The following GRAMD1B variants were observed in gnomAD, a reference collection of about 807,000 sequenced individuals.
GRAMD1B encodes GRAM domain containing 1B, also known as protein Aster-B.
In GRAMD1B, 37 loss-of-function variants were observed where a neutral mutation model predicts 99.7. The ratio of observed to expected loss-of-function variants is 0.37; its 90% CI spans 0.29 to 0.49. The LOEUF is 0.49. Among genes scored for constraint, GRAMD1B ranks in the 20% least tolerant of loss-of-function variants. GRAMD1B has a pLI of 0.98. For missense variants in GRAMD1B, 888 were observed against 1,009.2 expected, an observed-to-expected ratio of 0.88 and a Z score of 1.63; for synonymous variants, 427 against 387.6, an observed-to-expected ratio of 1.10 and a Z score of -1.19.
intron 1 of GRAMD1B, chr11:123,435,503 C>T (rs1230419455): frequency 1.4e-6 from 1 of 696,806 alleles, no homozygotes; most frequent in South Asian, 1.5e-5. Flanking sequence ...TTTTCTTCTC[C>T]TTAAACCCTA....
chr11:123,444,911 C>G (rs1400375203), intron 1 of GRAMD1B, among the ~76,000 whole-genome samples: 1 of 152,152 alleles, frequency 6.6e-6, no homozygotes, highest in Non-Finnish European at 1.5e-5. Flanking sequence ...CTTGGTCTTT[C>G]TTGGTCCTTC....
Position 123,624,350 on chromosome 11 carries a change from T to C in GRAMD1B, c.*1755T>C, listed in dbSNP as rs1955378386. On this transcript the variant is annotated 3_prime_UTR_variant, in exon 20 of 20. Coordinates refer to ENST00000635736, the MANE Select transcript of GRAMD1B (RefSeq NM_001387025.1). ...GCAATTACAGTTTTTGACTTTTCCA[T>C]GTGAGAATAAGGCCTTGGTATTTCC... is the stretch of plus-strand genomic sequence containing the variant. The C allele has an allele frequency of 6.6e-6, 1 of 152,224 alleles. No individual in the cohort carries two copies. The allele number at this position is 152,224 out of a possible 1,614,324, so 9.4% of individuals were successfully genotyped here.
At chr11:123,458,962 A>T (rs1013382824) in intron 1 of GRAMD1B, 1 of 152,212 alleles carries the variant, frequency 6.6e-6, no homozygotes, top group African/African-American at 2.4e-5. Flanking sequence ...GAGAACAATC[A>T]CTTTAATGCT....
intron 17 of GRAMD1B, among the ~76,000 whole-genome samples, chr11:123,615,758 C>G (rs758714040): frequency 6.6e-6 from 1 of 152,200 alleles, no homozygotes; most frequent in South Asian, 2.1e-4. Flanking sequence ...TGATGTGGTC[C>G]TGGAGCTCAG....
intron 1 of GRAMD1B, among the ~76,000 whole-genome samples, chr11:123,455,899 G>A (rs1950094406): frequency 6.6e-6 from 1 of 152,154 alleles, no homozygotes; most frequent in Non-Finnish European, 1.5e-5. Flanking sequence ...GCCGGGTGGG[G>A]TGGCTCGCTC....
At chr11:123,570,703 T>A (rs1947981980) in intron 2 of GRAMD1B, among the ~76,000 whole-genome samples, 2 of 152,154 alleles carry the variant, frequency 1.3e-5, no homozygotes, top group South Asian at 4.1e-4. Context: ...GGATTACAGG[T>A]GTGAGCCACG....
intron 1 of GRAMD1B, among the ~76,000 whole-genome samples, chr11:123,454,231 C>T (rs1483984530): frequency 6.6e-6 from 1 of 152,206 alleles, no homozygotes; most frequent in Non-Finnish European, 1.5e-5. Context: ...GGCATCTCTC[C>T]AATTTCCTGA....
chr11:123,537,752 A>C (rs1944113045), intron 2 of GRAMD1B, among the ~76,000 whole-genome samples: 1 of 152,168 alleles, frequency 6.6e-6, no homozygotes. Flanking sequence ...TTAGCGATTG[A>C]GCTTTCCTTG....
In GRAMD1B at chr11:123,421,259, A is replaced by G. The variant is rs150080311; in HGVS notation, c.-175-59557A>G. ...ATGTTGGGATTAGTTCTAGTGAGGT[A>G]TTTGTGTTTGATTAACTTCTTGCTC... On this transcript the variant is annotated intron_variant, in intron 1 of 20. Transcript: ENST00000638157. Among the ~76,000 whole-genome samples the G allele has an allele frequency of 8.5e-5, 13 of 152,304 alleles. No homozygotes were observed. In the East Asian group the frequency reaches 2.5e-3, roughly 29 times the overall value.
At chr11:123,504,881 C>G (rs1475613255) in intron 2 of GRAMD1B, among the ~76,000 whole-genome samples, 2 of 152,096 alleles carry the variant, frequency 1.3e-5, no homozygotes, top group African/African-American at 4.8e-5. Context: ...GGGGTTTCAC[C>G]ATGTTGGCCA....
At chr11:123,445,231 C>T (rs955493671) in intron 1 of GRAMD1B, among the ~76,000 whole-genome samples, 42 of 152,172 alleles carry the variant, frequency 2.8e-4, no homozygotes, top group Non-Finnish European at 8.8e-5. Context: ...TTAACCTTGT[C>T]GTGTTCTTTT....
intron 1 of GRAMD1B, among the ~76,000 whole-genome samples, chr11:123,445,818 C>CAAAAAA (rs36123733): frequency 1.8e-4 from 17 of 94,004 alleles, no homozygotes; most frequent in African/African-American, 4.9e-4. Context: ...CACTTGTCTC[C>CAAAAAA]AAAAAAAAAA....
chr11:123,604,808 G>T (rs1952478891), intron 9 of GRAMD1B, among the ~76,000 whole-genome samples: 1 of 152,164 alleles, frequency 6.6e-6, no homozygotes, highest in Non-Finnish European at 1.5e-5. Flanking sequence ...TCCTCGACGA[G>T]CACCCACCTT....
At chr11:123,619,345 C>G in intron 19 of GRAMD1B, 121 bp downstream of exon 19, 1 of 1,525,984 alleles carries the variant, frequency 6.6e-7, no homozygotes, top group Non-Finnish European at 8.8e-7. Flanking sequence ...CCAATTCATT[C>G]TTCCTCCAGG....
At chr11:123,442,150 C>T (rs950010237) in intron 1 of GRAMD1B, among the ~76,000 whole-genome samples, 1 of 152,208 alleles carries the variant, frequency 6.6e-6, no homozygotes, top group Non-Finnish European at 1.5e-5. Context: ...CTGGCACCTT[C>T]TGCCTGGAGA....
At chr11:123,417,304 C>T (rs1948264579) in intron 1 of GRAMD1B, among the ~76,000 whole-genome samples, 2 of 152,116 alleles carry the variant, frequency 1.3e-5, no homozygotes, top group South Asian at 4.1e-4. Flanking sequence ...ACCTGGGAGG[C>T]AGAGGTTGCG....
At chr11:123,594,601 TG>T (rs1407069760) in intron 5 of GRAMD1B, 133 bp from the exon 6 acceptor site, 1 of 630,584 alleles carries the variant, frequency 1.6e-6, no homozygotes, top group Non-Finnish European at 2.9e-6. Flanking sequence ...CTAGTTCAAG[TG>T]TCTGGCACCC....
At chr11:123,359,137 A>G (rs1370739343) in intron 1 of GRAMD1B, among the ~76,000 whole-genome samples, 2 of 152,062 alleles carry the variant, frequency 1.3e-5, no homozygotes, top group African/African-American at 4.8e-5. Context: ...GAACAGGTAG[A>G]GAGGACAGGG....
chr11:123,398,705 A>T (rs1280536020), intron 1 of GRAMD1B, among the ~76,000 whole-genome samples: 1 of 152,116 alleles, frequency 6.6e-6, no homozygotes, highest in Non-Finnish European at 1.5e-5. Flanking sequence ...TCATGTATTT[A>T]TCGGTCATTT....
Sources: gnomAD v4.1 joint callset for allele counts (sites outside exome capture counted in the v4.1 genomes callset) on GRCh38, gnomAD v4.1.1 for gene constraint, MANE v1.5 for transcripts, NCBI Gene and HGNC (gene_info 2026-07-23, HGNC 2026-07-21) for gene names.